The following HLA-DOA variants were observed in gnomAD, a reference collection of about 807,000 sequenced individuals.
The protein encoded by HLA-DOA is HLA class II histocompatibility antigen, DO alpha chain.
HLA-DOA carries 27 observed loss-of-function variants against 22.9 expected under a neutral mutation model. That is an observed-to-expected ratio of 1.18 (90% CI 0.87 to 1.62). HLA-DOA has a LOEUF of 1.62. HLA-DOA is among the 40% of genes most tolerant of loss of function. HLA-DOA has a pLI of 0.00. For synonymous variants in HLA-DOA, 137 were observed against 138.6 expected (o/e 0.99, Z 0.08); for missense variants, 324 against 332.4 (o/e 0.97, Z 0.20).
At chr6:33,008,324 T>G in intron 1 of HLA-DOA, 63 bp from the exon 2 acceptor site, 1 of 1,575,374 alleles carries the variant, frequency 6.3e-7, no homozygotes, top group Non-Finnish European at 8.6e-7. Flanking sequence ...ATCCACAATA[T>G]GTGATTGTTG....
chr6:33,008,395 TG>T lies in HLA-DOA; in HGVS notation c.83-135del, dbSNP rs776181921. The T allele has an allele frequency of 4.7e-6, 7 of 1,478,508 alleles. No individual in the cohort carries two copies. In the East Asian group the frequency reaches 7.0e-5, roughly 15 times the overall value. 91.6% of individuals were successfully genotyped at this position (1,478,508 alleles called of 1,614,324 possible). A position where few individuals can be genotyped will look rare whatever the true frequency, so the allele number is the denominator to read the frequency against. The stretch of plus-strand genomic sequence containing the variant: ...TGGGGACAGAGTCCTGTTCTGACAC[TG>T]GGCTGGCCCTGGGAGAGAGAAAGGG... On this transcript the variant is annotated intron_variant, in intron 1 of 4. Coordinates refer to ENST00000229829, the MANE Select transcript of HLA-DOA (RefSeq NM_002119.4).
Position 33,008,218 on chromosome 6 carries a change from G to A in HLA-DOA, c.126C>T (p.Tyr42=). Residue 42 remains tyrosine (Y), a synonymous_variant, in exon 2 of 5, where the codon TAC becomes TAT. Coordinates refer to ENST00000229829, the MANE Select transcript of HLA-DOA (RefSeq NM_002119.4). ...CATGGGTGAACTGGCCCGAGGCGCC[G>A]TAAGACTGGTAGAAGGCGGGTCCGT... is the stretch of plus-strand genomic sequence containing the variant. ...GSYGPAFYQS[Y]GASGQFTHEF... is the part of the protein sequence containing the mutation. The A allele has an allele frequency of 6.2e-7, 1 of 1,613,058 alleles. No homozygotes were observed. Among genetic ancestry groups the A allele is most frequent in the Non-Finnish European group, 8.5e-7 (1 of 1,180,040 alleles).
rs1582981801 is a variant in HLA-DOA at position 33,006,378 on chromosome 6, G to T, written c.*460C>A. ...ACAGGATAATCTGCATCCCTTTCAG[G>T]GTAAACCTGAACTCAGGAGGCAAAT... On this transcript the variant is annotated 3_prime_UTR_variant, in exon 5 of 5. Transcript: ENST00000229829. 1 of 255,962 alleles carries T rather than the reference G, an allele frequency of 3.9e-6. No homozygotes were observed. The highest frequency in any genetic ancestry group is 8.7e-5 in the East Asian group (1 of 11,490). 15.9% of individuals were successfully genotyped at this position (255,962 alleles called of 1,614,324 possible).
intron 2 of HLA-DOA, 24 bp from the exon 3 acceptor site, chr6:33,007,616 C>T: frequency 1.9e-6 from 3 of 1,598,796 alleles, no homozygotes; most frequent in Non-Finnish European, 2.6e-6. Flanking sequence ...GCCCTGAGTC[C>T]ACAGGCTCAT....
rs572016741 is a variant in HLA-DOA, at chr6:33,006,700, C to T, written c.*138G>A. 8.0e-6 allele frequency: 11 copies of T among 1,381,996 alleles called. No homozygotes were observed. In the African/African-American group the frequency reaches 1.4e-4, roughly 18 times the overall value. The allele number at this position is 1,381,996 out of a possible 1,614,324, so 85.6% of individuals were successfully genotyped here. On this transcript the variant is annotated 3_prime_UTR_variant, in exon 5 of 5. Transcript: ENST00000229829. Reference sequence around the variant, plus strand: ...AATACTGGGGCCAAAAAAGAGGGGACCCGTAGGACAGATGTTGATCCCACT... The same window carrying T: ...AATACTGGGGCCAAAAAAGAGGGGATCCGTAGGACAGATGTTGATCCCACT...
At position 33,008,173 on chromosome 6, in the gene HLA-DOA, C is replaced by G. The variant is rs773927187; in HGVS notation, c.171G>C (p.Leu57=). 2 of 1,613,094 alleles carry G rather than the reference C, an allele frequency of 1.2e-6. No homozygotes were observed. The highest frequency in any genetic ancestry group is 1.1e-5 in the South Asian group (1 of 91,088). Reference sequence around the variant, plus strand: ...CGCTTTTCTTCAGGTCCACAGAGAACAGCTGTTCCTCATCAAATTCATGGG... The same window carrying G: ...CGCTTTTCTTCAGGTCCACAGAGAAGAGCTGTTCCTCATCAAATTCATGGG... The part of the protein sequence containing the change: ...QFTHEFDEEQ[L]FSVDLKKSEA... Residue 57 remains leucine (L), a synonymous_variant, in exon 2 of 5, where the codon CTG becomes CTC. Transcript: ENST00000229829.
At position 33,007,129 on chromosome 6, in the gene HLA-DOA, C is replaced by A. The variant is rs200140467; in HGVS notation, c.700G>T (p.Val234Leu). The A allele has an allele frequency of 1.2e-6, 2 of 1,613,704 alleles. No individual in the cohort carries two copies. The highest frequency in any genetic ancestry group is 1.7e-6 in the Non-Finnish European group (2 of 1,180,010). The change falls in exon 4 of 5, where the codon GTG becomes TTG. Residue 234 changes from valine to leucine, a missense_variant. Physicochemically the swap from Val to Leu is conservative, Grantham distance 32. Coordinates refer to ENST00000229829, the MANE Select transcript of HLA-DOA (RefSeq NM_002119.4). ...CCCATGATGATGAGGACGGTGCCCA[C>A]GAGGAAGCCCACCAGGCCGATGGCC... ...GLAIGLVGFL[V>L]GTVLIIMGTY... is the part of the protein sequence containing the mutation.
chr6:33,008,075 G>A lies in HLA-DOA; in HGVS notation c.269C>T (p.Ala90Val). 6.2e-7 allele frequency: 1 copy of A among 1,613,072 alleles called. No homozygotes were observed. The highest frequency in any genetic ancestry group is 1.1e-5 in the South Asian group (1 of 91,082). The change falls in exon 2 of 5, where the codon GCC becomes GTC. Residue 90 changes from alanine (A) to valine (V), a missense_variant. Coordinates refer to ENST00000229829, the MANE Select transcript of HLA-DOA (RefSeq NM_002119.4). ...GATGTCCAGATGGGCTTTGATTGCG[G>A]CGATGCCGGCCAGCCCGCCCTGCGG... is the stretch of plus-strand genomic sequence containing the variant. Reference protein sequence around the residue: ...FDPQGGLAGIAAIKAHLDILV... With the variant: ...FDPQGGLAGIVAIKAHLDILV...
rs1055474423 is a variant in HLA-DOA, at chr6:33,006,542, G to A, written c.*296C>T. On this transcript the variant is annotated 3_prime_UTR_variant, in exon 5 of 5. Coordinates refer to ENST00000229829, the MANE Select transcript of HLA-DOA (RefSeq NM_002119.4). ...CCTCACCCCTGGAAGAACTGGCCAAGGCCTGGAAAGGACACAGTGCAAACA... is the reference window on the plus strand; with the variant it reads ...CCTCACCCCTGGAAGAACTGGCCAAAGCCTGGAAAGGACACAGTGCAAACA... 7.0e-6 allele frequency: 4 copies of A among 573,604 alleles called. No individual in the cohort carries two copies. The highest frequency in any genetic ancestry group is 1.2e-5 in the Non-Finnish European group (4 of 321,494). 35.5% of individuals were successfully genotyped at this position (573,604 alleles called of 1,614,324 possible). A position where few individuals can be genotyped will look rare whatever the true frequency, so the allele number is the denominator to read the frequency against.
chr6:33,008,535 G>T, intron 1 of HLA-DOA: 5 of 792,532 alleles, frequency 6.3e-6, no homozygotes, highest in South Asian at 2.4e-5. Flanking sequence ...CATGCTTGGG[G>T]TTCCAGAATT....
rs145519438 is a variant in HLA-DOA at position 33,007,369 on chromosome 6, G to A, written c.555C>T (p.Asp185=). 6.1e-5 allele frequency: 98 copies of A among 1,607,612 alleles called. 1 individual carries two copies. Among genetic ancestry groups the A allele is most frequent in the Middle Eastern group, 3.3e-4 (2 of 6,052 alleles). Residue 185 remains aspartate (D), a synonymous_variant, in exon 3 of 5, where the codon GAC becomes GAT. Transcript: ENST00000229829. ...HYLPFVPSAE[D]VYDCQVEHWG... ...AGTGCTCCACCTGGCAGTCATAGAC[G>A]TCCTCGGCTGAGGGCACGAAGGGCA...
At position 33,005,918 on chromosome 6, in the gene HLA-DOA, A is replaced by G. The variant is rs1780791173; in HGVS notation, c.*920T>C. The G allele has an allele frequency of 6.6e-6, 1 of 152,178 alleles. No homozygotes were observed. The highest frequency in any genetic ancestry group is 2.4e-5 in the African/African-American group (1 of 41,426). 9.4% of individuals were successfully genotyped at this position (152,178 alleles called of 1,614,324 possible). On this transcript the variant is annotated 3_prime_UTR_variant, in exon 5 of 5. Coordinates refer to ENST00000229829, the MANE Select transcript of HLA-DOA (RefSeq NM_002119.4). ...TTTAAAAGGATCCCAAGCAGTTCTTATGTGCATTCTGGTTTGAAAACCGTA... is the reference window on the plus strand; with the variant it reads ...TTTAAAAGGATCCCAAGCAGTTCTTGTGTGCATTCTGGTTTGAAAACCGTA...
Position 33,007,125 on chromosome 6 carries a change from C to A in HLA-DOA, c.704G>T (p.Gly235Val). ...TGTGCCCATGATGATGAGGACGGTG[C>A]CCACGAGGAAGCCCACCAGGCCGAT... ...LAIGLVGFLV[G>V]TVLIIMGTYV... Residue 235 changes from glycine to valine, a missense_variant, in exon 4 of 5, where the codon GGC (glycine) becomes GTC (valine). Gly to Val is a moderately radical substitution (Grantham distance 109, BLOSUM62 -3). Coordinates refer to ENST00000229829, the MANE Select transcript of HLA-DOA (RefSeq NM_002119.4). 6.2e-7 allele frequency: 1 copy of A among 1,613,840 alleles called. No homozygotes were observed. Among genetic ancestry groups the A allele is most frequent in the Non-Finnish European group, 8.5e-7 (1 of 1,179,994 alleles).
In HLA-DOA at chr6:33,006,564, A is replaced by T. The variant is rs892765398; in HGVS notation, c.*274T>A. ...CAAGGCCTGGAAAGGACACAGTGCA[A>T]ACACCACCAAAGCATTTAGTGCTGC... On this transcript the variant is annotated 3_prime_UTR_variant, in exon 5 of 5. Transcript: ENST00000229829. 1.2e-5 allele frequency: 7 copies of T among 604,850 alleles called. No individual in the cohort carries two copies. Among genetic ancestry groups the T allele is most frequent in the Admixed American group, 2.8e-5 (1 of 36,350 alleles). The allele number at this position is 604,850 out of a possible 1,614,324, so 37.5% of individuals were successfully genotyped here. A position where few individuals can be genotyped will look rare whatever the true frequency, so the allele number is the denominator to read the frequency against.
In HLA-DOA at chr6:33,005,569, T is replaced by C. The variant is rs1439281068; in HGVS notation, c.*1269A>G. The C allele has an allele frequency of 1.3e-5, 2 of 151,274 alleles. No individual in the cohort carries two copies. The highest frequency in any genetic ancestry group is 1.5e-5 in the Non-Finnish European group (1 of 67,974). 9.4% of individuals were successfully genotyped at this position (151,274 alleles called of 1,614,324 possible). A position where few individuals can be genotyped will look rare whatever the true frequency, so the allele number is the denominator to read the frequency against. The stretch of plus-strand genomic sequence containing the variant: ...GTAGGTCTGGGTGATGACTGTTATT[T>C]TTATATTTTATTTATTTATTTATTT... On this transcript the variant is annotated 3_prime_UTR_variant, in exon 5 of 5. Coordinates refer to ENST00000229829, the MANE Select transcript of HLA-DOA (RefSeq NM_002119.4).
Position 33,007,719 on chromosome 6 carries a change from G to C in HLA-DOA, c.332-127C>G, listed in dbSNP as rs541372601. On this transcript the variant is annotated intron_variant, in intron 2 of 4. Transcript: ENST00000229829. ...AGGGGATGCTCTGGGGTATCCACTG[G>C]GGCAGGAGAGGAGGAAAACAGAGGG... 7.2e-4 allele frequency: 800 copies of C among 1,114,498 alleles called. 3 individuals are homozygous for C. Among genetic ancestry groups the C allele is most frequent in the Middle Eastern group, 2.9e-3 (10 of 3,434 alleles). 69.0% of individuals were successfully genotyped at this position (1,114,498 alleles called of 1,614,324 possible). A position where few individuals can be genotyped will look rare whatever the true frequency, so the allele number is the denominator to read the frequency against.
rs1780805683 is a variant in HLA-DOA, at chr6:33,006,270, AC to A, written c.*567del. The stretch of plus-strand genomic sequence containing the variant: ...CCAGTGGCCTCTTCATACAGAGTAA[AC>A]CCAGGCAGGAGTGGAGTCCCCATGA... On this transcript the variant is annotated 3_prime_UTR_variant, in exon 5 of 5. Transcript: ENST00000229829. The A allele has an allele frequency of 6.2e-6, 1 of 162,562 alleles. No homozygotes were observed. Among genetic ancestry groups the A allele is most frequent in the Non-Finnish European group, 1.4e-5 (1 of 73,628 alleles). The allele number at this position is 162,562 out of a possible 1,614,324, so 10.1% of individuals were successfully genotyped here.
At chr6:33,008,385 G>C in intron 1 of HLA-DOA, 124 bp from the exon 2 acceptor site, 3 of 1,491,790 alleles carry the variant, frequency 2.0e-6, no homozygotes, top group Non-Finnish European at 2.7e-6. Context: ...ACAGAGTCCT[G>C]TTCTGACACT....
In HLA-DOA at chr6:33,008,165, A is replaced by G. The variant is rs1431241714; in HGVS notation, c.179T>C (p.Val60Ala). The change falls in exon 2 of 5, where the codon GTG (valine) becomes GCG (alanine). Residue 60 changes from valine (V) to alanine (A), a missense_variant. Coordinates refer to ENST00000229829, the MANE Select transcript of HLA-DOA (RefSeq NM_002119.4). ...HEFDEEQLFS[V>A]DLKKSEAVWR... ...CACGGCCTCGCTTTTCTTCAGGTCCACAGAGAACAGCTGTTCCTCATCAAA... is the reference window on the plus strand; with the variant it reads ...CACGGCCTCGCTTTTCTTCAGGTCCGCAGAGAACAGCTGTTCCTCATCAAA... The G allele has an allele frequency of 1.2e-6, 2 of 1,613,102 alleles. No individual in the cohort carries two copies. The highest frequency in any genetic ancestry group is 1.7e-5 in the Admixed American group (1 of 60,036).
Sources: gnomAD v4.1 joint callset for allele counts on GRCh38, gnomAD v4.1.1 for gene constraint, MANE v1.5 for transcripts, NCBI Gene and HGNC (gene_info 2026-07-23, HGNC 2026-07-21) for gene names.